Variants in ASAP2 observed in about 807,000 individuals in gnomAD.
ASAP2 encodes arf-GAP with SH3 domain, ANK repeat and PH domain-containing protein 2.
In ASAP2, 45 loss-of-function variants were observed where a neutral mutation model predicts 131.4. That is an observed-to-expected ratio of 0.34 (90% CI 0.27 to 0.44). The LOEUF (loss-of-function observed/expected upper bound fraction) is 0.44. Among genes scored for constraint, ASAP2 ranks in the 20% least tolerant of loss-of-function variants. The probability of loss-of-function intolerance (pLI) is 1.00; values close to 1 mark genes in which losing one functional copy is unlikely to be tolerated. For missense variants in ASAP2, 1,011 were observed against 1,297.0 expected (o/e 0.78, Z 3.39); for synonymous variants, 510 against 503.0 (o/e 1.01, Z -0.19).
intron 3 of ASAP2, among the ~76,000 whole-genome samples, chr2:9,315,105 T>C (rs369577864): frequency 6.6e-6 from 1 of 152,028 alleles, no homozygotes; most frequent in Non-Finnish European, 1.5e-5. Flanking sequence ...ATTGAGCACA[T>C]GCGTAGAATC....
intron 16 of ASAP2, among the ~76,000 whole-genome samples, chr2:9,374,150 C>T (rs1011297532): frequency 6.6e-6 from 1 of 152,176 alleles, no homozygotes; most frequent in Non-Finnish European, 1.5e-5. Flanking sequence ...TTGGATGGGG[C>T]GGAGTCTGAG....
rs141801887 is a variant in ASAP2 at position 9,234,498 on chromosome 2, G to A, written c.126+27268G>A. The stretch of plus-strand genomic sequence containing the variant: ...CCTTGATAATAGGAGGAGCTCAGAA[G>A]CAGGGAGAGATCACTTCCTGCTGGG... On this transcript the variant is annotated intron_variant, in intron 1 of 27. Coordinates refer to ENST00000281419, the MANE Select transcript of ASAP2 (RefSeq NM_003887.3). 4.7e-3 allele frequency among the ~76,000 whole-genome samples: 723 copies of A among 152,306 alleles called. 3 individuals are homozygous for A. Among genetic ancestry groups the A allele is most frequent in the Non-Finnish European group, 7.3e-3 (498 of 68,026 alleles).
rs1343127000 is a variant in ASAP2, at chr2:9,397,750, A to ATAT, written c.2685-2272_2685-2271insATT. On this transcript the variant is annotated intron_variant, in intron 24 of 27. Transcript: ENST00000281419. ...AGGATATATATATATATATATATAT[A>ATAT]TTTTTTTTTTTTTTTTTTTTTTTTT... 1.9e-3 allele frequency among the ~76,000 whole-genome samples: 83 copies of ATAT among 44,822 alleles called. 3 individuals carry two copies. Among genetic ancestry groups the ATAT allele is most frequent in the East Asian group, 2.9e-3 (5 of 1,718 alleles). The allele number at this position is 44,822 out of a possible 152,430, so 29.4% of individuals were successfully genotyped here. A position where few individuals can be genotyped will look rare whatever the true frequency, so the allele number is the denominator to read the frequency against.
At position 9,356,173 on chromosome 2, in the gene ASAP2, T is replaced by C. The variant is rs578023026; in HGVS notation, c.1161-6T>C. ...ATTTAACACAGCGTTGCTCTTGTTT[T>C]TCTAGATGGATGTCTGTGCTGCAAA... On this transcript the variant is annotated splice_polypyrimidine_tract_variant and splice_region_variant and intron_variant, in intron 13 of 27. Transcript: ENST00000281419. 26 of 1,614,096 alleles carry C rather than the reference T, an allele frequency of 1.6e-5. No individual in the cohort carries two copies. The African/African-American group carries it at 1.9e-4, about 12-fold the overall frequency.
chr2:9,376,808 TA>T, intron 17 of ASAP2, 99 bp from the exon 18 acceptor site: 2 of 1,086,904 alleles, frequency 1.8e-6, no homozygotes, highest in Non-Finnish European at 2.8e-6. Flanking sequence ...AAGGGAAAGA[TA>T]AAAGACTTTT....
chr2:9,324,966 A>T (rs1189439190), intron 6 of ASAP2, among the ~76,000 whole-genome samples: 6 of 151,686 alleles, frequency 4.0e-5, no homozygotes, highest in African/African-American at 1.5e-4. Flanking sequence ...ACTTTTTTTT[A>T]TGTCTGTCTC....
intron 26 of ASAP2, 108 bp downstream of exon 26, chr2:9,400,938 C>T (rs907240414): frequency 2.2e-5 from 25 of 1,153,348 alleles, no homozygotes; most frequent in Middle Eastern, 2.8e-4. Context: ...CTGGCTGGGG[C>T]AGGGCGGGGC....
chr2:9,329,127 G>A (rs1021746467), intron 7 of ASAP2, among the ~76,000 whole-genome samples: 3 of 152,276 alleles, frequency 2.0e-5, no homozygotes, highest in Admixed American at 6.5e-5. Flanking sequence ...GATAAGGAGT[G>A]GGGGAAGAAC....
intron 15 of ASAP2, among the ~76,000 whole-genome samples, chr2:9,359,630 A>C (rs964056811): frequency 1.3e-5 from 2 of 152,234 alleles, no homozygotes; most frequent in African/African-American, 2.4e-5. Flanking sequence ...CATTGATTTT[A>C]ATGTTGAATT....
intron 3 of ASAP2, among the ~76,000 whole-genome samples, chr2:9,316,963 AC>A (rs199779613): frequency 1.6e-3 from 92 of 58,164 alleles, no homozygotes; most frequent in African/African-American, 2.9e-3. Context: ...CCTCCCACAC[AC>A]CCCCCGTCAC....
At chr2:9,254,782 A>T (rs1160467578) in intron 1 of ASAP2, among the ~76,000 whole-genome samples, 1 of 151,742 alleles carries the variant, frequency 6.6e-6, no homozygotes, top group Non-Finnish European at 1.5e-5. Context: ...CTTGGAATGT[A>T]TTCCCTGAAG....
At chr2:9,258,064 G>T (rs761824196) in intron 1 of ASAP2, among the ~76,000 whole-genome samples, 33 of 152,066 alleles carry the variant, frequency 2.2e-4, no homozygotes, top group Non-Finnish European at 1.5e-4. Context: ...ACCAGTGCTG[G>T]TATCATCACA....
intron 1 of ASAP2, among the ~76,000 whole-genome samples, chr2:9,248,364 C>G (rs988520816): frequency 6.6e-6 from 1 of 151,920 alleles, no homozygotes; most frequent in African/African-American, 2.4e-5. Context: ...CCTTTGGTAT[C>G]TTGGTGTCAT....
chr2:9,400,885 G>A (rs965273646), intron 26 of ASAP2, 55 bp downstream of exon 26: 2 of 1,531,206 alleles, frequency 1.3e-6, no homozygotes, highest in Non-Finnish European at 1.8e-6. Flanking sequence ...GGGTGCAGGT[G>A]GTTTCACAAG....
Position 9,368,588 on chromosome 2 carries a change from G to C in ASAP2, c.1556+69G>C, listed in dbSNP as rs1485380111. On this transcript the variant is annotated intron_variant, in intron 16 of 27. Coordinates refer to ENST00000281419, the MANE Select transcript of ASAP2 (RefSeq NM_003887.3). The stretch of plus-strand genomic sequence containing the variant: ...GCCTTTGCCCGAGCCCCGGGAGGCA[G>C]GGGAATAAGAAGTTTTGGGTGCATC... The C allele has an allele frequency of 3.6e-6, 5 of 1,397,600 alleles. No homozygotes were observed. The East Asian group carries it at 1.1e-4, about 32-fold the overall frequency. 86.6% of individuals were successfully genotyped at this position (1,397,600 alleles called of 1,614,324 possible).
chr2:9,390,071 C>G (rs1417892342), intron 22 of ASAP2, among the ~76,000 whole-genome samples: 1 of 152,220 alleles, frequency 6.6e-6, no homozygotes. Flanking sequence ...GGGGTAAACT[C>G]TTAATCTCCT....
rs187697883 is a variant in ASAP2 at position 9,207,813 on chromosome 2, G to T, written c.126+583G>T. ...CTGCGGGCAAGGTGTGTGAGAGTCG[G>T]CGCTTCTGGGTCCAAGAAGCCTCCA... is the stretch of plus-strand genomic sequence containing the variant. On this transcript the variant is annotated intron_variant, in intron 1 of 27. Coordinates refer to ENST00000281419, the MANE Select transcript of ASAP2 (RefSeq NM_003887.3). The surrounding 1 kb of genome is among the most constrained non-coding windows in gnomAD (Gnocchi z 4.1). Among the ~76,000 whole-genome samples the T allele has an allele frequency of 5.2e-3, 791 of 152,240 alleles. 7 individuals are homozygous for T. Among genetic ancestry groups the T allele is most frequent in the Middle Eastern group, 0.027 (8 of 292 alleles).
At chr2:9,380,370 A>C (rs564887179) in intron 19 of ASAP2, among the ~76,000 whole-genome samples, 7 of 151,774 alleles carry the variant, frequency 4.6e-5, no homozygotes, top group Non-Finnish European at 1.0e-4. Flanking sequence ...GCTAATCTTT[A>C]TATTTTTAGT....
intron 1 of ASAP2, among the ~76,000 whole-genome samples, chr2:9,221,787 C>A (rs1037918888): frequency 6.6e-6 from 1 of 151,842 alleles, no homozygotes; most frequent in African/African-American, 2.4e-5. Context: ...AGCTGAGCAC[C>A]TTTTATTTCT....
Sources: allele counts gnomAD v4.1 joint callset (sites outside exome capture counted in the v4.1 genomes callset), GRCh38; gene constraint gnomAD v4.1.1; non-coding constraint Gnocchi (gnomAD v3.1); transcripts MANE v1.5; gene names NCBI Gene and HGNC (gene_info 2026-07-23, HGNC 2026-07-21).